Variants in MAP3K13 observed in about 807,000 individuals in gnomAD.
MAP3K13 encodes the protein mitogen-activated protein kinase kinase kinase 13.
A neutral mutation model predicts 104.0 loss-of-function variants in MAP3K13; 52 were observed. That is an observed-to-expected ratio of 0.50 (90% CI 0.40 to 0.63). MAP3K13 has a LOEUF of 0.63. Among genes scored for constraint, MAP3K13 ranks in the 20% least tolerant of loss-of-function variants. The pLI, the probability that MAP3K13 is intolerant of heterozygous loss-of-function variation, is 0.00. For missense variants in MAP3K13, 914 were observed against 1,218.5 expected (o/e 0.75, Z 3.72); for synonymous variants, 394 against 442.2 (o/e 0.89, Z 1.37).
At chr3:185,400,905 G>GTTTTTTT (rs71164506) in intron 1 of MAP3K13, among the ~76,000 whole-genome samples, 205 of 107,124 alleles carry the variant, frequency 1.9e-3, no homozygotes, top group Non-Finnish European at 2.1e-3. Context: ...GTGTTTGTTT[G>GTTTTTTT]TTTTTTTTTT....
In MAP3K13 at chr3:185,465,873, C is replaced by T; in HGVS notation, c.1505+10C>T. 6.4e-7 allele frequency: 1 copy of T among 1,571,356 alleles called. No homozygotes were observed. Among genetic ancestry groups the T allele is most frequent in the Non-Finnish European group, 8.8e-7 (1 of 1,141,160 alleles). On this transcript the variant is annotated intron_variant, in intron 9 of 13. Coordinates refer to ENST00000265026, the MANE Select transcript of MAP3K13 (RefSeq NM_004721.5). ...AGAAGGAGCTCATTAAGTATGTATC[C>T]AGACTAGTGTCTGTTCTTACTGATT... is the stretch of plus-strand genomic sequence containing the variant.
chr3:185,417,887 T>C, intron 1 of MAP3K13: 1 of 1,604,146 alleles, frequency 6.2e-7, no homozygotes, highest in Non-Finnish European at 8.5e-7. Context: ...GCTCTTTGGA[T>C]CTCTGGGCTT....
intron 2 of MAP3K13, among the ~76,000 whole-genome samples, chr3:185,337,585 G>A (rs1167327209): frequency 2.0e-5 from 3 of 152,218 alleles, no homozygotes; most frequent in East Asian, 3.8e-4. Flanking sequence ...CATAAAATGG[G>A]TGTTTAGAAG....
At position 185,455,635 on chromosome 3, in the gene MAP3K13, G is replaced by GAGATATATATATGATATATATATGAT. The variant is rs1716586422; in HGVS notation, c.1278+4241_1278+4242insGATATATATATGATATATATATGATA. Among the ~76,000 whole-genome samples, 4 of 13,674 alleles carry GAGATATATATATGATATATATATGAT rather than the reference G, an allele frequency of 2.9e-4. 1 individual carries two copies. Among genetic ancestry groups the GAGATATATATATGATATATATATGAT allele is most frequent in the East Asian group, 3.8e-3 (2 of 530 alleles). The allele number at this position is 13,674 out of a possible 152,430, so 9.0% of individuals were successfully genotyped here. A position where few individuals can be genotyped will look rare whatever the true frequency, so the allele number is the denominator to read the frequency against. ...TATATGAGATATATGATATATATATGATATATATGAGATATATATATGATA... is the reference window on the plus strand; with the variant it reads ...TATATGAGATATATGATATATATATGAGATATATATATGATATATATATGATATATATATGAGATATATATATGATA... On this transcript the variant is annotated intron_variant, in intron 7 of 13. Transcript: ENST00000265026.
intron 2 of MAP3K13, among the ~76,000 whole-genome samples, chr3:185,325,464 A>G (rs1722013610): frequency 6.6e-6 from 1 of 152,162 alleles, no homozygotes; most frequent in African/African-American, 2.4e-5. Context: ...CATTCAGCCT[A>G]CTACAAAGAG....
At chr3:185,374,327 T>G (rs770960572) in intron 1 of MAP3K13, among the ~76,000 whole-genome samples, 24 of 152,010 alleles carry the variant, frequency 1.6e-4, no homozygotes, top group Non-Finnish European at 2.6e-4. Context: ...TATGGAGAGA[T>G]AATGGGCGAT....
chr3:185,330,046 ATTTTTTTTTTTTTTTTTTTTT>A (rs548813356), intron 2 of MAP3K13, among the ~76,000 whole-genome samples: 4 of 98,278 alleles, frequency 4.1e-5, no homozygotes, highest in East Asian at 3.1e-4. Context: ...TGCCTGGCTA[ATTTTTTTTTTTTTTTTTTTTT>A]TTTTTTTTTT....
At chr3:185,439,569 A>G (rs1715218047) in intron 3 of MAP3K13, among the ~76,000 whole-genome samples, 1 of 152,130 alleles carries the variant, frequency 6.6e-6, no homozygotes, top group African/African-American at 2.4e-5. Flanking sequence ...TTTGAGACAC[A>G]GAATGTCCCG....
intron 1 of MAP3K13, among the ~76,000 whole-genome samples, chr3:185,378,614 G>A (rs1166080215): frequency 6.6e-6 from 1 of 152,100 alleles, no homozygotes; most frequent in Admixed American, 6.6e-5. Flanking sequence ...GCAGCCTGGG[G>A]AGAAGGGGAG....
In MAP3K13 at chr3:185,455,637, T is replaced by TATATATG. The variant is rs1358771879; in HGVS notation, c.1278+4244_1278+4250dup. On this transcript the variant is annotated intron_variant, in intron 7 of 13. Transcript: ENST00000265026. ...TATGAGATATATGATATATATATGA[T>TATATATG]ATATATGAGATATATATATGATATA... 2.5e-3 allele frequency among the ~76,000 whole-genome samples: 233 copies of TATATATG among 93,510 alleles called. 81 individuals carry two copies. The highest frequency in any genetic ancestry group is 5.8e-3 in the East Asian group (22 of 3,772). The allele number at this position is 93,510 out of a possible 152,430, so 61.3% of individuals were successfully genotyped here. A position where few individuals can be genotyped will look rare whatever the true frequency, so the allele number is the denominator to read the frequency against.
At chr3:185,435,905 A>G (rs1577555761) in intron 2 of MAP3K13, among the ~76,000 whole-genome samples, 1 of 152,148 alleles carries the variant, frequency 6.6e-6, no homozygotes. Context: ...AGTATCTTTG[A>G]AGCTAACTCA....
chr3:185,408,895 T>C (rs1677513806), intron 1 of MAP3K13, among the ~76,000 whole-genome samples: 1 of 152,172 alleles, frequency 6.6e-6, no homozygotes, highest in African/African-American at 2.4e-5. Flanking sequence ...GTCATGAAAT[T>C]TGCTCTGTGT....
intron 2 of MAP3K13, among the ~76,000 whole-genome samples, chr3:185,349,860 C>T (rs540585672): frequency 2.0e-5 from 3 of 152,146 alleles, no homozygotes; most frequent in Non-Finnish European, 4.4e-5. Context: ...ATGCTGTGTG[C>T]GTACACTGCA....
intron 2 of MAP3K13, chr3:185,329,308 T>G (rs991238659): frequency 2.9e-6 from 2 of 698,002 alleles, no homozygotes; most frequent in African/African-American, 1.8e-5. Flanking sequence ...TTTATCCTCA[T>G]GTTCTTTCCA....
At chr3:185,360,425 T>G (rs1476727043), upstream of MAP3K13, among the ~76,000 whole-genome samples, 1 of 152,210 alleles carries the variant, frequency 6.6e-6, no homozygotes. Context: ...TCTATATCCC[T>G]TCCTACCTTC....
chr3:185,298,061 C>T (rs532300708), intron 2 of MAP3K13, among the ~76,000 whole-genome samples: 3 of 151,986 alleles, frequency 2.0e-5, no homozygotes, highest in Non-Finnish European at 4.4e-5. Flanking sequence ...GGACTACAGG[C>T]CTTTCAGTAA....
chr3:185,475,593 T>C (rs1467657370), intron 11 of MAP3K13, among the ~76,000 whole-genome samples: 2 of 151,874 alleles, frequency 1.3e-5, no homozygotes, highest in African/African-American at 4.8e-5. Flanking sequence ...GGCTCACACC[T>C]GTAATCCCAG....
intron 1 of MAP3K13, among the ~76,000 whole-genome samples, chr3:185,372,749 G>C (rs773346638): frequency 4.6e-5 from 7 of 152,094 alleles, no homozygotes; most frequent in Non-Finnish European, 8.8e-5. Flanking sequence ...CTATGGAATG[G>C]CTTTAAAAAC....
intron 1 of MAP3K13, among the ~76,000 whole-genome samples, chr3:185,421,826 C>T (rs1714150255): frequency 1.3e-5 from 2 of 152,316 alleles, no homozygotes; most frequent in Middle Eastern, 6.8e-3. Context: ...GGTGTGCATA[C>T]AAACACAGGT....
Sources: allele counts gnomAD v4.1 joint callset (sites outside exome capture counted in the v4.1 genomes callset), GRCh38; gene constraint gnomAD v4.1.1; transcripts MANE v1.5; gene names NCBI Gene and HGNC (gene_info 2026-07-23, HGNC 2026-07-21).